Variants in TENM2 observed in about 807,000 individuals in gnomAD.
TENM2 encodes teneurin transmembrane protein 2, also known as teneurin-2.
Under a neutral mutation model 245.2 loss-of-function variants are expected in TENM2, and 52 were observed. The observed-to-expected ratio is 0.21, with a 90% CI of 0.17 to 0.27. The LOEUF (loss-of-function observed/expected upper bound fraction) is 0.27. Among genes scored for constraint, TENM2 ranks in the 10% least tolerant of loss-of-function variants. The pLI is 1.00. For synonymous variants in TENM2, 1,363 were observed against 1,438.9 expected, an observed-to-expected ratio of 0.95 and a Z score of 1.19; for missense variants, 3,046 against 3,666.8, an observed-to-expected ratio of 0.83 and a Z score of 4.37.
chr5:168,226,130 G>A lies in TENM2; in HGVS notation c.5151G>A (p.Thr1717=), dbSNP rs375022886. 14 of 1,613,606 alleles carry A rather than the reference G, an allele frequency of 8.7e-6. No individual in the cohort carries two copies. The African/African-American group carries it at 1.1e-4, about 12-fold the overall frequency. The stretch of plus-strand genomic sequence containing the variant: ...GCCTGACCAACGTGACGCGCCCCAC[G>A]GGGGTGGTAACCAGTCTGCACCGGG... The change falls in exon 24 of 29, where the codon ACG becomes ACA. Residue 1717 remains threonine, a synonymous_variant. Transcript: ENST00000518659.
chr5:168,097,586 A>G (rs1444315541), intron 8 of TENM2, among the ~76,000 whole-genome samples: 1 of 134,410 alleles, frequency 7.4e-6, no homozygotes, highest in South Asian at 2.5e-4. Flanking sequence ...CACCACGTCC[A>G]GCTAATTGTG....
intron 13 of TENM2, among the ~76,000 whole-genome samples, chr5:168,183,223 A>G (rs545399391): frequency 7.2e-5 from 11 of 152,296 alleles, no homozygotes; most frequent in Middle Eastern, 3.4e-3. Context: ...ATTTGCATCT[A>G]TGGGATATCC....
chr5:167,164,911 A>T, the TENM2 span: 1 of 152,214 alleles, frequency 6.6e-6, no homozygotes, highest in African/African-American at 2.4e-5. Context: ...TGACCCAAAG[A>T]TTTTGATGAT....
intron 24 of TENM2, among the ~76,000 whole-genome samples, chr5:168,226,558 C>T (rs925958390): frequency 6.6e-6 from 1 of 152,196 alleles, no homozygotes; most frequent in African/African-American, 2.4e-5. Context: ...TACTCTCTCC[C>T]TACCTCTTAC....
rs113755208 is a variant in TENM2 at position 167,529,206 on chromosome 5, A to G, written c.502+153733A>G. On this transcript the variant is annotated intron_variant, in intron 2 of 28. Coordinates refer to ENST00000518659, the Ensembl canonical transcript of TENM2. The stretch of plus-strand genomic sequence containing the variant: ...TTTTTTTTCAATTTTATAAATTGGA[A>G]TCTTAAGGTTGAGAAAAAGCAAATC... Among the ~76,000 whole-genome samples the G allele has an allele frequency of 2.0e-3, 310 of 152,222 alleles. 3 individuals carry two copies. Among genetic ancestry groups the G allele is most frequent in the African/African-American group, 7.2e-3 (298 of 41,542 alleles).
chr5:167,796,971 G>A (rs900249105), intron 2 of TENM2, among the ~76,000 whole-genome samples: 2 of 151,276 alleles, frequency 1.3e-5, no homozygotes, highest in African/African-American at 2.4e-5. Context: ...TGTCAATATC[G>A]GAGTCATAGC....
chr5:167,212,607 A>T, the TENM2 span, among the ~76,000 whole-genome samples: 2 of 152,090 alleles, frequency 1.3e-5, no homozygotes, highest in Admixed American at 1.3e-4. Context: ...GGCTTATTGA[A>T]CCATTCCCCT....
At chr5:167,392,843 A>T (rs1761836239) in intron 2 of TENM2, among the ~76,000 whole-genome samples, 1 of 152,164 alleles carries the variant, frequency 6.6e-6, no homozygotes, top group African/African-American at 2.4e-5. Flanking sequence ...ATTGTCTATT[A>T]TGCTTAGAGT....
At chr5:167,842,027 G>A (rs527860135) in intron 2 of TENM2, among the ~76,000 whole-genome samples, 3 of 152,070 alleles carry the variant, frequency 2.0e-5, no homozygotes, top group Admixed American at 6.5e-5. Context: ...CAAAAGAACC[G>A]TGAATTCTTT....
intron 2 of TENM2, among the ~76,000 whole-genome samples, chr5:167,855,094 T>C (rs1270816830): frequency 2.0e-5 from 3 of 152,176 alleles, no homozygotes; most frequent in African/African-American, 7.2e-5. Flanking sequence ...TGCAGTGGCT[T>C]CTGAGGCCTC....
At chr5:168,094,150 A>G (rs79794097) in intron 8 of TENM2, among the ~76,000 whole-genome samples, 5,880 of 152,260 alleles carry the variant, frequency 0.039, 364 homozygotes, top group African/African-American at 0.13. Flanking sequence ...ATAGATGTAT[A>G]TAAGAATTAC....
chr5:167,634,040 T>C (rs1779038074), intron 2 of TENM2, among the ~76,000 whole-genome samples: 1 of 152,190 alleles, frequency 6.6e-6, no homozygotes, highest in Non-Finnish European at 1.5e-5. Flanking sequence ...AAATTAGTTG[T>C]GGAAAACTTG....
chr5:167,871,524 C>T (rs1772825643), intron 2 of TENM2, among the ~76,000 whole-genome samples: 1 of 152,134 alleles, frequency 6.6e-6, no homozygotes, highest in Non-Finnish European at 1.5e-5. Flanking sequence ...ATGGTTAATC[C>T]AATCACACAG....
At chr5:167,239,768 T>A in the TENM2 span, among the ~76,000 whole-genome samples, 4 of 152,166 alleles carry the variant, frequency 2.6e-5, no homozygotes, top group Non-Finnish European at 1.5e-5. Context: ...ACTTTTTATA[T>A]TGTTGTTTAT....
intron 2 of TENM2, among the ~76,000 whole-genome samples, chr5:167,460,755 T>TA (rs1278564668): frequency 6.6e-6 from 1 of 152,296 alleles, no homozygotes; most frequent in Admixed American, 6.5e-5. Flanking sequence ...AAATGTGCTT[T>TA]AAAAAATCAA....
intron 2 of TENM2, among the ~76,000 whole-genome samples, chr5:167,619,726 A>AC (rs1380783561): frequency 6.6e-6 from 1 of 152,186 alleles, no homozygotes; most frequent in South Asian, 2.1e-4. Flanking sequence ...TTTTTAATAG[A>AC]CTGCAGTCAG....
chr5:167,790,768 C>T (rs1764900673), intron 2 of TENM2, among the ~76,000 whole-genome samples: 1 of 152,126 alleles, frequency 6.6e-6, no homozygotes, highest in Non-Finnish European at 1.5e-5. Context: ...TAACCTTCTC[C>T]GCATAGGATC....
chr5:167,139,233 A>T, the TENM2 span, among the ~76,000 whole-genome samples: 31 of 152,302 alleles, frequency 2.0e-4, no homozygotes, highest in East Asian at 3.7e-3. Flanking sequence ...TCCTTTTATC[A>T]CTTCTGCCTT....
intron 2 of TENM2, among the ~76,000 whole-genome samples, chr5:167,437,686 T>C (rs553073007): frequency 6.6e-6 from 1 of 151,892 alleles, no homozygotes; most frequent in African/African-American, 2.4e-5. Flanking sequence ...CGGTGGGAGG[T>C]CATTGAATTA....
Sources: allele counts gnomAD v4.1 joint callset (sites outside exome capture counted in the v4.1 genomes callset), GRCh38; gene constraint gnomAD v4.1.1; transcripts MANE v1.5; gene names NCBI Gene and HGNC (gene_info 2026-07-23, HGNC 2026-07-21).